The following NRG1 variants were observed in gnomAD, a reference collection of about 807,000 sequenced individuals.
NRG1 encodes the protein pro-neuregulin-1, membrane-bound isoform.
In NRG1, 18 loss-of-function variants were observed where a neutral mutation model predicts 63.8. That is an observed-to-expected ratio of 0.28 (90% CI 0.19 to 0.42). NRG1 has a LOEUF of 0.42. NRG1 is among the 10% of genes least tolerant of loss of function. The probability of loss-of-function intolerance (pLI) is 1.00; values close to 1 mark genes in which losing one functional copy is unlikely to be tolerated. For missense variants in NRG1, 762 were observed against 814.7 expected (o/e 0.94, Z 0.79); for synonymous variants, 302 against 301.3 (o/e 1.00, Z -0.02).
intron 1 of NRG1, among the ~76,000 whole-genome samples, chr8:31,900,661 T>C (rs576390111): frequency 3.9e-5 from 6 of 152,338 alleles, no homozygotes; most frequent in Non-Finnish European, 5.9e-5. Flanking sequence ...CATCTTCTTT[T>C]GTAAACTACA....
In NRG1 at chr8:32,549,656, G is replaced by A. The variant is rs574036436; in HGVS notation, c.100+830G>A. ...TTATCTATATAATAAAATGGCAATT[G>A]AAGCTTTCTAGAAACAAATCTTGTA... On this transcript the variant is annotated intron_variant, in intron 1 of 11. Coordinates refer to ENST00000356819, the Ensembl canonical transcript of NRG1. Among the ~76,000 whole-genome samples the A allele has an allele frequency of 3.9e-5, 6 of 152,292 alleles. No homozygotes were observed. In the South Asian group the frequency reaches 1.2e-3, roughly 32 times the overall value.
intron 1 of NRG1, among the ~76,000 whole-genome samples, chr8:32,094,193 A>G (rs913008251): frequency 2.6e-5 from 4 of 152,182 alleles, no homozygotes; most frequent in African/African-American, 9.7e-5. Flanking sequence ...GCTTTCATAG[A>G]ACAGAATGGA....
intron 5 of NRG1, among the ~76,000 whole-genome samples, chr8:32,717,624 G>C (rs1001574353): frequency 6.6e-6 from 1 of 152,108 alleles, no homozygotes; most frequent in African/African-American, 2.4e-5. Flanking sequence ...CCTCAGTGAG[G>C]AAAATGTTGT....
At chr8:31,958,806 T>G (rs567570815) in intron 1 of NRG1, among the ~76,000 whole-genome samples, 1 of 152,312 alleles carries the variant, frequency 6.6e-6, no homozygotes, top group South Asian at 2.1e-4. Context: ...TTTATTCAAT[T>G]TATAACTCCT....
chr8:32,684,275 C>G (rs1164193014), intron 5 of NRG1, among the ~76,000 whole-genome samples: 4 of 152,192 alleles, frequency 2.6e-5, no homozygotes, highest in Non-Finnish European at 5.9e-5. Flanking sequence ...ACTCAGATCT[C>G]TTTAAACATT....
chr8:31,742,320 T>C (rs1815359789), intron 1 of NRG1, among the ~76,000 whole-genome samples: 3 of 151,928 alleles, frequency 2.0e-5, no homozygotes, highest in South Asian at 4.1e-4. Context: ...AGTCTGATAG[T>C]AGAAAGATAT....
intron 1 of NRG1, among the ~76,000 whole-genome samples, chr8:32,153,739 GA>G (rs796392828): frequency 1.3e-5 from 2 of 152,192 alleles, no homozygotes; most frequent in African/African-American, 4.8e-5. Context: ...GGCAAGGTTA[GA>G]AAACTTGAGA....
chr8:32,047,587 T>C (rs1398962193), intron 1 of NRG1, among the ~76,000 whole-genome samples: 1 of 152,124 alleles, frequency 6.6e-6, no homozygotes, highest in African/African-American at 2.4e-5. Flanking sequence ...GTGGCTGAGG[T>C]TGGTCACAGA....
chr8:32,504,203 C>G (rs1828256633), intron 1 of NRG1, among the ~76,000 whole-genome samples: 1 of 152,110 alleles, frequency 6.6e-6, no homozygotes, highest in Non-Finnish European at 1.5e-5. Flanking sequence ...TCCCTGGTGC[C>G]AGCTGCAACC....
At chr8:32,440,955 A>G (rs1361469425) in intron 1 of NRG1, among the ~76,000 whole-genome samples, 1 of 152,206 alleles carries the variant, frequency 6.6e-6, no homozygotes, top group Non-Finnish European at 1.5e-5. Flanking sequence ...AATTTGACAT[A>G]GAATTGTGTA....
At chr8:32,533,302 C>T (rs1831640917) in intron 1 of NRG1, among the ~76,000 whole-genome samples, 1 of 152,030 alleles carries the variant, frequency 6.6e-6, no homozygotes, top group Non-Finnish European at 1.5e-5. Flanking sequence ...TGTTTGGAAA[C>T]AGCATGTAAT....
At chr8:31,926,074 T>G (rs1393114335) in intron 1 of NRG1, among the ~76,000 whole-genome samples, 33 of 152,134 alleles carry the variant, frequency 2.2e-4, no homozygotes, top group Admixed American at 2.2e-3. Context: ...CAGAGAGGAA[T>G]GTATTTTCTT....
intron 1 of NRG1, among the ~76,000 whole-genome samples, chr8:32,440,307 C>T (rs556131318): frequency 8.5e-5 from 13 of 152,106 alleles, no homozygotes; most frequent in South Asian, 4.2e-4. Context: ...CCATAGCACC[C>T]GGCTAATTTT....
chr8:31,953,109 T>A (rs1355411728), intron 1 of NRG1, among the ~76,000 whole-genome samples: 1 of 140,586 alleles, frequency 7.1e-6, no homozygotes, highest in African/African-American at 2.8e-5. Flanking sequence ...GCAAAAAGGG[T>A]TTTTTTTTTC....
At chr8:32,626,511 G>A (rs527677212) in intron 5 of NRG1, among the ~76,000 whole-genome samples, 12 of 151,668 alleles carry the variant, frequency 7.9e-5, no homozygotes, top group African/African-American at 2.7e-4. Context: ...AAAGCCCATC[G>A]CTACTAAAAA....
Position 32,226,234 on chromosome 8 carries a change from C to T in NRG1, c.38-369594C>T, listed in dbSNP as rs187157324. On this transcript the variant is annotated intron_variant, in intron 1 of 10. Coordinates refer to the NRG1 transcript ENST00000519301. ...GGCCAACTTTTTCTACCAATATTTC[C>T]GGCTCTTGATATGAAACTAGTTAAA... Among the ~76,000 whole-genome samples, 856 of 152,120 alleles carry T rather than the reference C, an allele frequency of 5.6e-3. 5 individuals carry two copies. The highest frequency in any genetic ancestry group is 8.7e-3 in the Non-Finnish European group (593 of 67,984).
chr8:31,685,199 A>G (rs1808760835), intron 1 of NRG1, among the ~76,000 whole-genome samples: 1 of 152,192 alleles, frequency 6.6e-6, no homozygotes, highest in Non-Finnish European at 1.5e-5. Flanking sequence ...TCTGAGATTC[A>G]TATTTAACCA....
At chr8:31,675,562 C>A (rs1020773689) in intron 1 of NRG1, among the ~76,000 whole-genome samples, 2 of 152,156 alleles carry the variant, frequency 1.3e-5, no homozygotes, top group African/African-American at 2.4e-5. Context: ...GTCCAATTTG[C>A]AAGAATGCTG....
chr8:31,701,598 T>C (rs1458004555), intron 1 of NRG1, among the ~76,000 whole-genome samples: 2 of 152,048 alleles, frequency 1.3e-5, no homozygotes, highest in Admixed American at 6.5e-5. Flanking sequence ...GAGAGGTAGG[T>C]AAAGAAAGGC....
Sources: gnomAD v4.1 joint callset for allele counts (sites outside exome capture counted in the v4.1 genomes callset) on GRCh38, gnomAD v4.1.1 for gene constraint, MANE v1.5 for transcripts, NCBI Gene and HGNC (gene_info 2026-07-23, HGNC 2026-07-21) for gene names.